The following HDAC9 variants were observed in gnomAD, a reference collection of about 807,000 sequenced individuals.
HDAC9 encodes the protein histone deacetylase 9, also known as MEF-2 interacting transcription repressor (MITR) protein.
A neutral mutation model predicts 139.4 loss-of-function variants in HDAC9; 41 were observed. The observed-to-expected ratio is 0.29, with a 90% confidence interval of 0.23 to 0.38. The LOEUF is 0.38. Among genes scored for constraint, HDAC9 ranks in the 10% least tolerant of loss-of-function variants. The probability of loss-of-function intolerance (pLI) is 1.00; values close to 1 mark genes in which losing one functional copy is unlikely to be tolerated. For missense variants in HDAC9, 1,147 were observed against 1,297.0 expected (o/e 0.88, Z 1.78); for synonymous variants, 517 against 476.2 (o/e 1.09, Z -1.12).
At chr7:18,979,031 A>T (rs540789972) in intron 25 of HDAC9, among the ~76,000 whole-genome samples, 44 of 151,286 alleles carry the variant, frequency 2.9e-4, no homozygotes, top group African/African-American at 1.0e-3. Context: ...ATCGTGTTAC[A>T]TTTTTTTTTA....
chr7:18,257,790 A>G (rs1190315455), intron 2 of HDAC9, among the ~76,000 whole-genome samples: 1 of 152,262 alleles, frequency 6.6e-6, no homozygotes, highest in Non-Finnish European at 1.5e-5. Flanking sequence ...TAGTACTTTA[A>G]AAATACATGT....
chr7:18,930,894 T>A (rs1349502192), intron 22 of HDAC9, among the ~76,000 whole-genome samples: 1 of 152,182 alleles, frequency 6.6e-6, no homozygotes, highest in Non-Finnish European at 1.5e-5. Context: ...TATGGGACTT[T>A]TTTTCATTGC....
intron 1 of HDAC9, among the ~76,000 whole-genome samples, chr7:18,121,039 T>C (rs1784337431): frequency 6.6e-6 from 1 of 152,176 alleles, no homozygotes; most frequent in African/African-American, 2.4e-5. Context: ...GAGAACCCCA[T>C]GAGAAAACTG....
chr7:18,450,134 T>C (rs996042099), intron 1 of HDAC9, among the ~76,000 whole-genome samples: 1 of 152,186 alleles, frequency 6.6e-6, no homozygotes, highest in African/African-American at 2.4e-5. Flanking sequence ...CTGGCAAATA[T>C]TGGGCTGTTC....
At chr7:18,438,378 A>G (rs1471834668) in intron 1 of HDAC9, among the ~76,000 whole-genome samples, 2 of 152,128 alleles carry the variant, frequency 1.3e-5, no homozygotes, top group Admixed American at 6.6e-5. Context: ...ATACTATTAG[A>G]AAAGTTTGAG....
At chr7:18,434,244 A>G (rs556738378) in intron 1 of HDAC9, among the ~76,000 whole-genome samples, 4 of 152,160 alleles carry the variant, frequency 2.6e-5, no homozygotes, top group Non-Finnish European at 5.9e-5. Context: ...CCTTCCTTTC[A>G]CCGTATACGA....
chr7:18,818,351 T>A (rs1794720494), intron 17 of HDAC9, among the ~76,000 whole-genome samples: 2 of 152,224 alleles, frequency 1.3e-5, no homozygotes, highest in African/African-American at 4.8e-5. Context: ...TAGGCAGTTA[T>A]ATTATACATA....
At chr7:18,765,059 TA>T (rs1789709779) in intron 15 of HDAC9, among the ~76,000 whole-genome samples, 1 of 152,192 alleles carries the variant, frequency 6.6e-6, no homozygotes. Flanking sequence ...CTGTCGCTCT[TA>T]TGACCAGTTT....
At chr7:18,403,494 C>T (rs1473419183) in intron 1 of HDAC9, among the ~76,000 whole-genome samples, 2 of 152,136 alleles carry the variant, frequency 1.3e-5, no homozygotes, top group African/African-American at 4.8e-5. Context: ...TTCAAAAATA[C>T]ACCTGCTGTG....
intron 2 of HDAC9, among the ~76,000 whole-genome samples, chr7:18,272,041 C>T (rs539603363): frequency 2.0e-5 from 3 of 152,024 alleles, no homozygotes; most frequent in South Asian, 2.1e-4. Context: ...CCATTGAAAG[C>T]GCATTCATCA....
chr7:18,341,961 C>G (rs2128662394), intron 1 of HDAC9, among the ~76,000 whole-genome samples: 1 of 151,936 alleles, frequency 6.6e-6, no homozygotes, highest in Admixed American at 6.6e-5. Context: ...TTACTTCTCA[C>G]TACTCGGGGA....
At chr7:18,517,335 G>A (rs1803552661) in intron 2 of HDAC9, among the ~76,000 whole-genome samples, 1 of 152,174 alleles carries the variant, frequency 6.6e-6, no homozygotes, top group Non-Finnish European at 1.5e-5. Context: ...TTCTGAGGAT[G>A]TTTTATTTAC....
intron 12 of HDAC9, among the ~76,000 whole-genome samples, chr7:18,711,959 A>T (rs1172350713): frequency 6.6e-6 from 1 of 150,618 alleles, no homozygotes; most frequent in East Asian, 1.9e-4. Context: ...CTTCGGGAAA[A>T]CAGTCAACCA....
chr7:18,399,323 TC>T lies in HDAC9; in HGVS notation c.-41-96935del, dbSNP rs533258445. ...ACCAGATTTACAAGGGTGAGGGTTA[TC>T]CCCAGTGTCACAAAAAGAAAAAAAA... is the stretch of plus-strand genomic sequence containing the variant. On this transcript the variant is annotated intron_variant, in intron 1 of 3. Transcript: ENST00000413509. Among the ~76,000 whole-genome samples the T allele has an allele frequency of 1.7e-3, 265 of 152,198 alleles. 2 individuals carry two copies. Among genetic ancestry groups the T allele is most frequent in the Middle Eastern group, 3.4e-3 (1 of 294 alleles).
In HDAC9 at chr7:18,691,372, G is replaced by A. The variant is rs180826149; in HGVS notation, c.1731+24896G>A. Among the ~76,000 whole-genome samples the A allele has an allele frequency of 2.6e-5, 4 of 152,122 alleles. No homozygotes were observed. The East Asian group carries it at 7.8e-4, about 30-fold the overall frequency. ...CAAAACTTTTCTGAGAGGTTGGTGG[G>A]TCACTTTGTATTGCTCTTTCTGATC... On this transcript the variant is annotated intron_variant, in intron 12 of 25. Coordinates refer to ENST00000686413, the MANE Select transcript of HDAC9 (RefSeq NM_178425.4).
chr7:18,845,606 A>G (rs541329929), intron 21 of HDAC9, among the ~76,000 whole-genome samples: 1 of 152,176 alleles, frequency 6.6e-6, no homozygotes, highest in African/African-American at 2.4e-5. Flanking sequence ...ATAAGACCAA[A>G]GTGTCATTTT....
chr7:18,110,281 A>G (rs925433371), intron 1 of HDAC9, among the ~76,000 whole-genome samples: 5 of 152,216 alleles, frequency 3.3e-5, no homozygotes, highest in Non-Finnish European at 7.3e-5. Flanking sequence ...TTCATAGTCT[A>G]CTGGGGTAAA....
intron 12 of HDAC9, among the ~76,000 whole-genome samples, chr7:18,694,814 A>C (rs534857102): frequency 6.6e-6 from 1 of 152,270 alleles, no homozygotes; most frequent in South Asian, 2.1e-4. Context: ...GTTTATGCAA[A>C]TGGAACTTTT....
chr7:18,960,009 A>ACACACAC (rs1783419269), intron 24 of HDAC9, among the ~76,000 whole-genome samples: 2 of 149,028 alleles, frequency 1.3e-5, no homozygotes, highest in African/African-American at 5.0e-5. Context: ...TGTTGTTTTA[A>ACACACAC]ACACACACAC....
Sources: gnomAD v4.1 joint callset for allele counts (sites outside exome capture counted in the v4.1 genomes callset) on GRCh38, gnomAD v4.1.1 for gene constraint, MANE v1.5 for transcripts, NCBI Gene and HGNC (gene_info 2026-07-23, HGNC 2026-07-21) for gene names.